The following MACO1 variants were observed in gnomAD, a reference collection of about 807,000 sequenced individuals.
The protein encoded by MACO1 is macoilin 1.
MACO1 carries 14 observed loss-of-function variants against 78.7 expected under a neutral mutation model. That is an observed-to-expected ratio of 0.18 (90% CI 0.12 to 0.28). MACO1 has a LOEUF of 0.28. Among genes scored for constraint, MACO1 ranks in the 10% least tolerant of loss-of-function variants. The probability of loss-of-function intolerance (pLI) is 1.00; values close to 1 mark genes in which losing one functional copy is unlikely to be tolerated. For synonymous variants in MACO1, 288 were observed against 291.6 expected, an observed-to-expected ratio of 0.99 and a Z score of 0.12; for missense variants, 501 against 799.0, an observed-to-expected ratio of 0.63 and a Z score of 4.50.
chr1:25,445,170 A>G (rs2043004885), intron 1 of MACO1, among the ~76,000 whole-genome samples: 1 of 148,976 alleles, frequency 6.7e-6, no homozygotes, highest in South Asian at 2.1e-4. Context: ...ATGGTGGCGC[A>G]TGCCTATATT....
At chr1:25,449,858 A>C (rs1416633593) in intron 3 of MACO1, among the ~76,000 whole-genome samples, 3 of 152,140 alleles carry the variant, frequency 2.0e-5, no homozygotes, top group Non-Finnish European at 2.9e-5. Flanking sequence ...ACCTCTACTA[A>C]AAATACAAAA....
intron 8 of MACO1, among the ~76,000 whole-genome samples, chr1:25,486,923 TG>T: frequency 6.6e-6 from 1 of 152,310 alleles, no homozygotes; most frequent in East Asian, 1.9e-4. Context: ...GAGATGTTCT[TG>T]AACAGTCATC....
At chr1:25,460,488 C>G (rs945669722) in intron 6 of MACO1, among the ~76,000 whole-genome samples, 3 of 151,572 alleles carry the variant, frequency 2.0e-5, no homozygotes, top group Non-Finnish European at 4.4e-5. Flanking sequence ...ACTGTAGACT[C>G]TACCTCCCCA....
At chr1:25,468,367 C>T (rs1190534809) in intron 6 of MACO1, among the ~76,000 whole-genome samples, 1 of 152,076 alleles carries the variant, frequency 6.6e-6, no homozygotes, top group East Asian at 1.9e-4. Flanking sequence ...TTTAAGAGCC[C>T]TGAACTAGAA....
chr1:25,438,229 G>A (rs1016255944), intron 1 of MACO1, among the ~76,000 whole-genome samples: 3 of 151,998 alleles, frequency 2.0e-5, no homozygotes, highest in East Asian at 1.9e-4. Flanking sequence ...AAGCATAGGC[G>A]GAGAGAGAAA....
At chr1:25,446,726 G>A (rs377282399) in intron 1 of MACO1, 36 bp from the exon 2 acceptor site, 2 of 1,537,742 alleles carry the variant, frequency 1.3e-6, no homozygotes, top group African/African-American at 2.8e-5. Flanking sequence ...ATTCACAAAT[G>A]ACCTTAAATT....
intron 1 of MACO1, among the ~76,000 whole-genome samples, chr1:25,439,114 T>A (rs2042945166): frequency 6.6e-6 from 1 of 152,192 alleles, no homozygotes; most frequent in South Asian, 2.1e-4. Flanking sequence ...TTGCTTCTTT[T>A]TAACTTCTCA....
intron 10 of MACO1, among the ~76,000 whole-genome samples, chr1:25,497,581 A>G (rs1436556383): frequency 6.6e-6 from 1 of 152,152 alleles, no homozygotes; most frequent in East Asian, 1.9e-4. Flanking sequence ...AGTGAGGGCA[A>G]GTGTGCTGGA....
In MACO1 at chr1:25,460,971, G is replaced by T. The variant is rs536164304; in HGVS notation, c.1154+2079G>T. On this transcript the variant is annotated intron_variant, in intron 6 of 10. Transcript: ENST00000374343. Reference sequence around the variant, plus strand: ...ACTTTTAATGTTATAAAAAATAAGGGGATCGATAGACTGGATTAAGAAAAT... The same window carrying T: ...ACTTTTAATGTTATAAAAAATAAGGTGATCGATAGACTGGATTAAGAAAAT... Among the ~76,000 whole-genome samples the T allele has an allele frequency of 6.6e-5, 10 of 152,066 alleles. No individual in the cohort carries two copies. The South Asian group carries it at 2.1e-3, about 32-fold the overall frequency.
Position 25,465,508 on chromosome 1 carries a change from C to G in MACO1, c.1154+6616C>G, listed in dbSNP as rs914126434. ...CCCTAATAGGTGGATAGTGGTATCT[C>G]GTTGTTTTAATTTGCATTTCCCTGG... On this transcript the variant is annotated intron_variant, in intron 6 of 10. Coordinates refer to ENST00000374343, the MANE Select transcript of MACO1 (RefSeq NM_018202.6). 3.9e-5 allele frequency among the ~76,000 whole-genome samples: 6 copies of G among 152,104 alleles called. No homozygotes were observed. In the East Asian group the frequency reaches 7.7e-4, roughly 20 times the overall value.
intron 6 of MACO1, among the ~76,000 whole-genome samples, chr1:25,476,255 A>C (rs74063408): frequency 0.012 from 1,775 of 152,310 alleles, 36 homozygotes; most frequent in African/African-American, 0.04. Flanking sequence ...GCATTCCTTT[A>C]GGAAAATTAA....
chr1:25,454,470 G>GTGTA (rs1553164613), intron 4 of MACO1, 88 bp downstream of exon 4: 5 of 86,690 alleles, frequency 5.8e-5, no homozygotes, highest in East Asian at 3.8e-4. Context: ...GTGTGTGTGT[G>GTGTA]TATATATATA....
At chr1:25,440,230 C>CAAAAAAA (rs35841483) in intron 1 of MACO1, among the ~76,000 whole-genome samples, 1 of 95,888 alleles carries the variant, frequency 1.0e-5, no homozygotes, top group Non-Finnish European at 2.1e-5. Flanking sequence ...CCCATCTCTA[C>CAAAAAAA]AAAAAAAAAA....
intron 6 of MACO1, among the ~76,000 whole-genome samples, chr1:25,468,118 T>C (rs764011449): frequency 1.3e-4 from 20 of 152,004 alleles, no homozygotes; most frequent in Non-Finnish European, 1.9e-4. Context: ...TTTTTTCTAC[T>C]AGAGAGGTGC....
At chr1:25,447,243 T>C (rs1023947717) in intron 2 of MACO1, among the ~76,000 whole-genome samples, 18 of 152,158 alleles carry the variant, frequency 1.2e-4, no homozygotes, top group Admixed American at 2.6e-4. Context: ...CAGTCCTGCT[T>C]TGAAGTGTTT....
At chr1:25,491,232 G>A (rs1257214103) in intron 9 of MACO1, 178 bp from the exon 10 acceptor site, 2 of 234,676 alleles carry the variant, frequency 8.5e-6, no homozygotes, top group Non-Finnish European at 1.4e-5. Flanking sequence ...AAATATTTTT[G>A]TATGTGCTTA....
At chr1:25,463,713 A>G (rs892332737) in intron 6 of MACO1, among the ~76,000 whole-genome samples, 1 of 152,252 alleles carries the variant, frequency 6.6e-6, no homozygotes, top group Non-Finnish European at 1.5e-5. Context: ...AAAAATCATT[A>G]CAATTTTAGA....
At position 25,498,583 on chromosome 1, in the gene MACO1, T is replaced by C. The variant is rs2043558247; in HGVS notation, c.*117T>C. On this transcript the variant is annotated 3_prime_UTR_variant, in exon 11 of 11. Coordinates refer to ENST00000374343, the MANE Select transcript of MACO1 (RefSeq NM_018202.6). ...TTGTATTTTGTGGAACTGTATCTGT[T>C]GTCATTTTTAAAAAGGGGGGAAAAG... 4.1e-6 allele frequency: 4 copies of C among 978,782 alleles called. No homozygotes were observed. Among genetic ancestry groups the C allele is most frequent in the Non-Finnish European group, 6.0e-6 (4 of 662,918 alleles). 60.6% of individuals were successfully genotyped at this position (978,782 alleles called of 1,614,324 possible). A position where few individuals can be genotyped will look rare whatever the true frequency, so the allele number is the denominator to read the frequency against.
At chr1:25,476,531 G>C (rs1202976959) in intron 6 of MACO1, among the ~76,000 whole-genome samples, 1 of 152,166 alleles carries the variant, frequency 6.6e-6, no homozygotes, top group Non-Finnish European at 1.5e-5. Flanking sequence ...ACATTTTTCT[G>C]TGAATGACCC....
Sources: gnomAD v4.1 joint callset for allele counts (sites outside exome capture counted in the v4.1 genomes callset) on GRCh38, gnomAD v4.1.1 for gene constraint, MANE v1.5 for transcripts, NCBI Gene and HGNC (gene_info 2026-07-23, HGNC 2026-07-21) for gene names.